Variants in AKT3 observed in about 807,000 individuals in gnomAD.
AKT3 encodes the protein RAC-gamma serine/threonine-protein kinase.
A neutral mutation model predicts 65.3 loss-of-function variants in AKT3; 15 were observed. The observed-to-expected ratio is 0.23, with a 90% CI of 0.15 to 0.35. The LOEUF (loss-of-function observed/expected upper bound fraction) is 0.35, where lower values mean the gene tolerates loss of function less well. Among genes scored for constraint, AKT3 ranks in the 10% least tolerant of loss-of-function variants. The probability of loss-of-function intolerance (pLI) is 1.00; values close to 1 mark genes in which losing one functional copy is unlikely to be tolerated. For synonymous variants in AKT3, 206 were observed against 183.8 expected (o/e 1.12, Z -0.98); for missense variants, 243 against 576.5 (o/e 0.42, Z 5.92).
intron 2 of AKT3, among the ~76,000 whole-genome samples, chr1:243,838,687 T>A (rs750828645): frequency 2.6e-5 from 4 of 152,190 alleles, no homozygotes; most frequent in African/African-American, 4.8e-5. Flanking sequence ...AATTAAGCTA[T>A]CTTGTGAGAC....
At chr1:243,802,300 G>A (rs1463293976) in intron 2 of AKT3, among the ~76,000 whole-genome samples, 2 of 152,052 alleles carry the variant, frequency 1.3e-5, no homozygotes, top group African/African-American at 2.4e-5. Context: ...ACCCCTCTAC[G>A]CTACATGACA....
chr1:243,582,019 A>C (rs960368765), intron 8 of AKT3, among the ~76,000 whole-genome samples: 4 of 152,050 alleles, frequency 2.6e-5, no homozygotes, highest in African/African-American at 4.8e-5. Flanking sequence ...AGTATTTTAA[A>C]CTAATCCAGT....
At chr1:243,694,788 G>T (rs1348117944) in intron 3 of AKT3, among the ~76,000 whole-genome samples, 1 of 151,550 alleles carries the variant, frequency 6.6e-6, no homozygotes, top group Non-Finnish European at 1.5e-5. Context: ...AATTTCCCTT[G>T]TATCTTTTTT....
intron 3 of AKT3, among the ~76,000 whole-genome samples, chr1:243,674,972 C>T (rs1683401441): frequency 6.6e-6 from 1 of 152,146 alleles, no homozygotes; most frequent in Non-Finnish European, 1.5e-5. Flanking sequence ...GTCCTTGTCC[C>T]ACCCTTCTCC....
intron 10 of AKT3, 39 bp downstream of exon 10, chr1:243,563,681 T>G: frequency 6.4e-7 from 1 of 1,566,754 alleles, no homozygotes; most frequent in Non-Finnish European, 8.6e-7. Context: ...CAAATCATTA[T>G]GTCAATGTTA....
chr1:243,760,674 A>G (rs991734021), intron 2 of AKT3, among the ~76,000 whole-genome samples: 1 of 152,072 alleles, frequency 6.6e-6, no homozygotes, highest in Non-Finnish European at 1.5e-5. Flanking sequence ...CAGCTCTCCT[A>G]TTACAAACAA....
rs1282422878 is a variant in AKT3, at chr1:243,492,463, A to G, written c.*7-4013T>C. On this transcript the variant is annotated intron_variant, in intron 13 of 13. Transcript: ENST00000336199. ...ATTACAGGCACCCACCACCACACCT[A>G]GCTAATTTTTTTGTATTTTTAATAG... Among the ~76,000 whole-genome samples the G allele has an allele frequency of 1.1e-3, 159 of 146,304 alleles. 1 individual carries two copies. The highest frequency in any genetic ancestry group is 1.9e-3 in the Non-Finnish European group (123 of 66,296).
intron 13 of AKT3, among the ~76,000 whole-genome samples, chr1:243,510,033 T>C (rs1288327510): frequency 6.6e-6 from 1 of 152,254 alleles, no homozygotes; most frequent in Admixed American, 6.5e-5. Context: ...CTTGACATTT[T>C]AGAGCCTTCT....
At chr1:243,495,797 C>T (rs1383462183), downstream of AKT3, among the ~76,000 whole-genome samples, 4 of 152,178 alleles carry the variant, frequency 2.6e-5, no homozygotes, top group South Asian at 2.1e-4. Flanking sequence ...CCAGAGCTCA[C>T]GTGGCTTATT....
chr1:243,685,810 CA>C (rs1684250569), intron 3 of AKT3, among the ~76,000 whole-genome samples: 1 of 152,106 alleles, frequency 6.6e-6, no homozygotes, highest in East Asian at 1.9e-4. Context: ...GAGAGGAAGT[CA>C]AATTATCTCT....
At chr1:243,672,518 A>G (rs1330180425) in intron 3 of AKT3, among the ~76,000 whole-genome samples, 1 of 152,198 alleles carries the variant, frequency 6.6e-6, no homozygotes, top group Non-Finnish European at 1.5e-5. Context: ...TCCATAATAC[A>G]AGGGGTTCAA....
intron 3 of AKT3, among the ~76,000 whole-genome samples, chr1:243,673,675 G>A (rs894196151): frequency 2.7e-5 from 4 of 146,748 alleles, no homozygotes; most frequent in East Asian, 2.0e-4. Context: ...GTGCAGTGGC[G>A]CGATCTCGGC....
At chr1:243,623,957 T>C (rs1178209655) in intron 6 of AKT3, among the ~76,000 whole-genome samples, 4 of 152,232 alleles carry the variant, frequency 2.6e-5, no homozygotes, top group African/African-American at 9.6e-5. Context: ...CTCCAGGATT[T>C]TGCTCTATGT....
At chr1:243,679,727 T>C (rs1206283273) in intron 3 of AKT3, among the ~76,000 whole-genome samples, 1 of 152,196 alleles carries the variant, frequency 6.6e-6, no homozygotes, top group African/African-American at 2.4e-5. Flanking sequence ...TCAGAATTTA[T>C]TCAGGCTTGT....
chr1:243,785,699 C>G (rs576694666), intron 2 of AKT3, among the ~76,000 whole-genome samples: 38 of 152,326 alleles, frequency 2.5e-4, no homozygotes, highest in African/African-American at 8.2e-4. Context: ...GCTATGCAAA[C>G]CTTCGGCCAA....
Position 243,697,777 on chromosome 1 carries a change from T to C in AKT3, c.47-2061A>G, listed in dbSNP as rs188194868. On this transcript the variant is annotated intron_variant, in intron 2 of 13. Transcript: ENST00000673466. ...GATCTGTTTTCCCAAATTTAATCTT[T>C]GCTTAAAAGCTCAATTTCCATCAGT... Among the ~76,000 whole-genome samples the C allele has an allele frequency of 8.5e-5, 13 of 152,230 alleles. No homozygotes were observed. The South Asian group carries it at 1.7e-3, about 19-fold the overall frequency.
intron 2 of AKT3, among the ~76,000 whole-genome samples, chr1:243,806,019 A>T (rs1473627088): frequency 6.6e-6 from 1 of 152,136 alleles, no homozygotes; most frequent in Non-Finnish European, 1.5e-5. Context: ...TGGCATGCAC[A>T]CACACACTCC....
chr1:243,846,341 C>CAT (rs1051523337), intron 1 of AKT3, among the ~76,000 whole-genome samples: 12 of 151,726 alleles, frequency 7.9e-5, no homozygotes, highest in South Asian at 2.1e-4. Flanking sequence ...TAAATCCATC[C>CAT]ATATATATAT....
chr1:243,494,567 T>C (rs1354068782), intron 13 of AKT3, among the ~76,000 whole-genome samples: 3 of 152,234 alleles, frequency 2.0e-5, no homozygotes, highest in Non-Finnish European at 4.4e-5. Flanking sequence ...GTTTTTTGAC[T>C]GAGCGCCCCG....
Sources: gnomAD v4.1 joint callset for allele counts (sites outside exome capture counted in the v4.1 genomes callset) on GRCh38, gnomAD v4.1.1 for gene constraint, MANE v1.5 for transcripts, NCBI Gene and HGNC (gene_info 2026-07-23, HGNC 2026-07-21) for gene names.